Variants in BRD4 observed in about 807,000 individuals in gnomAD.
The protein encoded by BRD4 is bromodomain-containing protein 4.
In BRD4, 16 loss-of-function variants were observed where a neutral mutation model predicts 142.1. The ratio of observed to expected loss-of-function variants is 0.11; its 90% CI spans 0.08 to 0.17. The LOEUF (loss-of-function observed/expected upper bound fraction) is 0.17, where lower values mean the gene tolerates loss of function less well. BRD4 is among the 10% of genes least tolerant of loss of function. The pLI, the probability that BRD4 is intolerant of heterozygous loss-of-function variation, is 1.00. For missense variants in BRD4, 1,424 were observed against 1,810.9 expected (o/e 0.79, Z 3.88); for synonymous variants, 833 against 707.5 (o/e 1.18, Z -2.82).
intron 1 of BRD4, among the ~76,000 whole-genome samples, chr19:15,301,153 T>A (rs918011067): frequency 3.3e-5 from 5 of 152,192 alleles, no homozygotes; most frequent in African/African-American, 1.2e-4. Context: ...TAATAAACTA[T>A]GTTAACGAAA....
chr19:15,259,684 G>A (rs975133462), intron 7 of BRD4, among the ~76,000 whole-genome samples: 5 of 152,174 alleles, frequency 3.3e-5, no homozygotes, highest in Non-Finnish European at 7.4e-5. Flanking sequence ...GTGGGCCCAG[G>A]GCTGCTGTAG....
chr19:15,281,321 C>A (rs964861402), intron 1 of BRD4, among the ~76,000 whole-genome samples: 1 of 152,186 alleles, frequency 6.6e-6, no homozygotes, highest in Non-Finnish European at 1.5e-5. Flanking sequence ...CAAGCCAAGG[C>A]AGAGATATAC....
At chr19:15,241,203 A>G (rs926348934) in intron 14 of BRD4, among the ~76,000 whole-genome samples, 2 of 152,234 alleles carry the variant, frequency 1.3e-5, no homozygotes, top group Non-Finnish European at 2.9e-5. Context: ...CACTTTGGGC[A>G]CTGCCAATTC....
Position 15,264,765 on chromosome 19 carries a change from G to T in BRD4, c.851C>A (p.Thr284Lys). 6.3e-7 allele frequency: 1 copy of T among 1,599,176 alleles called. No homozygotes were observed. The highest frequency in any genetic ancestry group is 8.5e-7 in the Non-Finnish European group (1 of 1,170,830). Reference protein sequence around the residue: ...IIAATPQPVKTKKGVKRKADT... With the variant: ...IIAATPQPVKKKKGVKRKADT... ...TGCTTTCCTCTTCACTCCCTTCTTTGTCTGCCAAGAACACGGACGCCAACA... is the reference window on the plus strand; with the variant it reads ...TGCTTTCCTCTTCACTCCCTTCTTTTTCTGCCAAGAACACGGACGCCAACA... The change falls in exon 6 of 20, where the codon ACA (threonine) becomes AAA (lysine). Residue 284 changes from threonine to lysine, a missense_variant and splice_region_variant. Coordinates refer to ENST00000679869, the MANE Select transcript of BRD4 (RefSeq NM_001379291.1).
At chr19:15,282,262 T>G (rs750757966) in intron 1 of BRD4, among the ~76,000 whole-genome samples, 19 of 152,234 alleles carry the variant, frequency 1.2e-4, no homozygotes, top group Non-Finnish European at 1.2e-4. Context: ...GGCCATAGTT[T>G]GCAGCCCATT....
chr19:15,321,876 T>A (rs184302709), intron 1 of BRD4, among the ~76,000 whole-genome samples: 32 of 152,260 alleles, frequency 2.1e-4, no homozygotes, highest in African/African-American at 7.7e-4. Flanking sequence ...TCCCTCACCC[T>A]ACCCCCTACA....
intron 1 of BRD4, among the ~76,000 whole-genome samples, chr19:15,299,939 G>A (rs76137286): frequency 0.016 from 2,478 of 152,286 alleles, 23 homozygotes; most frequent in Non-Finnish European, 0.024. Context: ...CATCTACAAA[G>A]AGAATCCCTT....
chr19:15,274,195 T>C (rs574094917), intron 1 of BRD4, among the ~76,000 whole-genome samples: 8 of 152,186 alleles, frequency 5.3e-5, no homozygotes, highest in African/African-American at 1.2e-4. Flanking sequence ...CAGACACAGA[T>C]AGATTACAGG....
intron 1 of BRD4, among the ~76,000 whole-genome samples, chr19:15,328,816 C>G (rs919583282): frequency 1.3e-5 from 2 of 152,198 alleles, no homozygotes; most frequent in Admixed American, 1.3e-4. Context: ...TCTTATTGAC[C>G]AGACTGGAGT....
intron 1 of BRD4, among the ~76,000 whole-genome samples, chr19:15,285,971 A>G (rs1223625676): frequency 6.6e-6 from 1 of 152,110 alleles, no homozygotes; most frequent in African/African-American, 2.4e-5. Context: ...CATGAGACCC[A>G]CTGGCCTTCC....
At chr19:15,310,918 T>G (rs901819448) in intron 1 of BRD4, among the ~76,000 whole-genome samples, 4 of 152,206 alleles carry the variant, frequency 2.6e-5, no homozygotes, top group African/African-American at 7.2e-5. Flanking sequence ...AGTTTCCGTG[T>G]GGAGGCAGGA....
intron 1 of BRD4, among the ~76,000 whole-genome samples, chr19:15,298,961 C>A (rs1208446214): frequency 6.6e-6 from 1 of 152,114 alleles, no homozygotes; most frequent in African/African-American, 2.4e-5. Flanking sequence ...CAGGTCACAC[C>A]CCAGGTGTAG....
intron 1 of BRD4, among the ~76,000 whole-genome samples, chr19:15,311,801 TCAAA>T (rs1005629592): frequency 2.2e-4 from 34 of 151,824 alleles, no homozygotes; most frequent in Admixed American, 1.6e-3. Context: ...AAACTCCATC[TCAAA>T]CAAACAAACG....
intron 13 of BRD4, 39 bp from the exon 14 acceptor site, chr19:15,243,526 C>T (rs2047258137): frequency 6.6e-7 from 1 of 1,505,694 alleles, no homozygotes; most frequent in Non-Finnish European, 8.8e-7. Flanking sequence ...GGCCTGAGCA[C>T]CTGTGGCCCC....
At chr19:15,330,861 T>C (rs1241629792) in intron 1 of BRD4, among the ~76,000 whole-genome samples, 1 of 152,200 alleles carries the variant, frequency 6.6e-6, no homozygotes, top group African/African-American at 2.4e-5. Flanking sequence ...CTTTTGAGTA[T>C]CGCTTTCTTT....
intron 1 of BRD4, among the ~76,000 whole-genome samples, chr19:15,311,591 G>C (rs560194782): frequency 6.6e-6 from 1 of 151,456 alleles, no homozygotes; most frequent in Non-Finnish European, 1.5e-5. Context: ...AGGAGTTCAA[G>C]ACCAACCTGG....
At chr19:15,262,709 C>T (rs2047486346) in intron 7 of BRD4, among the ~76,000 whole-genome samples, 2 of 151,834 alleles carry the variant, frequency 1.3e-5, no homozygotes, top group South Asian at 2.1e-4. Context: ...GGTGACAGAA[C>T]GAGACCCTGT....
rs1287893448 is a variant in BRD4, at chr19:15,237,899, G to C, written c.*478C>G. 1 of 238,706 alleles carries C rather than the reference G, an allele frequency of 4.2e-6. No individual in the cohort carries two copies. The highest frequency in any genetic ancestry group is 8.2e-6 in the Non-Finnish European group (1 of 121,790). The allele number at this position is 238,706 out of a possible 1,614,324, so 14.8% of individuals were successfully genotyped here. On this transcript the variant is annotated 3_prime_UTR_variant, in exon 20 of 20. Coordinates refer to ENST00000679869, the MANE Select transcript of BRD4 (RefSeq NM_001379291.1). ...GGTGGGCCGGCCTCGCCCGCCTCCA[G>C]CCCACGCAGGCCTGCCCTGGCCTCC...
chr19:15,266,347 C>T (rs1253033369), intron 4 of BRD4, among the ~76,000 whole-genome samples: 1 of 152,204 alleles, frequency 6.6e-6, no homozygotes, highest in African/African-American at 2.4e-5. Flanking sequence ...CAAAGACACC[C>T]AGTGCCTTCA....
Sources: allele counts gnomAD v4.1 joint callset (sites outside exome capture counted in the v4.1 genomes callset), GRCh38; gene constraint gnomAD v4.1.1; transcripts MANE v1.5; gene names NCBI Gene and HGNC (gene_info 2026-07-23, HGNC 2026-07-21).